The following SPPL3 variants were observed in gnomAD, a reference collection of about 807,000 sequenced individuals.
The protein encoded by SPPL3 is signal peptide peptidase-like 3.
SPPL3 carries 5 observed loss-of-function variants against 42.4 expected under a neutral mutation model. The ratio of observed to expected loss-of-function variants is 0.12; its 90% CI spans 0.06 to 0.25. The LOEUF (loss-of-function observed/expected upper bound fraction) is 0.25, where lower values mean the gene tolerates loss of function less well. Among genes scored for constraint, SPPL3 ranks in the 10% least tolerant of loss-of-function variants. The probability of loss-of-function intolerance (pLI) is 1.00; values close to 1 mark genes in which losing one functional copy is unlikely to be tolerated. For missense variants in SPPL3, 235 were observed against 489.0 expected (o/e 0.48, Z 4.90); for synonymous variants, 195 against 181.8 (o/e 1.07, Z -0.58).
At chr12:120,882,765 A>G (rs1484252064) in intron 1 of SPPL3, among the ~76,000 whole-genome samples, 3 of 152,144 alleles carry the variant, frequency 2.0e-5, no homozygotes, top group Admixed American at 2.0e-4. Flanking sequence ...ACAGTGGCTT[A>G]TATCTGTAAA....
At chr12:120,769,145 G>T in intron 6 of SPPL3, 86 bp from the exon 7 acceptor site, 1 of 1,073,372 alleles carries the variant, frequency 9.3e-7, no homozygotes, top group Non-Finnish European at 1.4e-6. Flanking sequence ...CCTTCACAGA[G>T]TTTGCAATTC....
chr12:120,771,541 A>T (rs538141320), intron 6 of SPPL3, among the ~76,000 whole-genome samples: 33 of 99,336 alleles, frequency 3.3e-4, no homozygotes, highest in African/African-American at 1.1e-3. Context: ...TCAACTTCTG[A>T]TATACATAAT....
intron 2 of SPPL3, among the ~76,000 whole-genome samples, chr12:120,800,650 A>AT (rs893727867): frequency 9.6e-4 from 145 of 151,382 alleles, no homozygotes; most frequent in Non-Finnish European, 1.2e-3. Context: ...ATTATATGCT[A>AT]TTTTTTTTTG....
At chr12:120,773,637 C>A (rs1314006969) in intron 6 of SPPL3, among the ~76,000 whole-genome samples, 1 of 152,170 alleles carries the variant, frequency 6.6e-6, no homozygotes, top group East Asian at 1.9e-4. Context: ...CTGACCTTTT[C>A]TTTTTGGAGA....
chr12:120,864,951 A>G (rs777998982), intron 1 of SPPL3, among the ~76,000 whole-genome samples: 1 of 152,232 alleles, frequency 6.6e-6, no homozygotes, highest in Non-Finnish European at 1.5e-5. Context: ...CTATGAGCAC[A>G]CTTTGGTGCC....
chr12:120,879,826 C>T (rs1420375420), intron 1 of SPPL3, among the ~76,000 whole-genome samples: 2 of 151,968 alleles, frequency 1.3e-5, no homozygotes, highest in Non-Finnish European at 2.9e-5. Context: ...TATATATATA[C>T]ACATGCAGTC....
intron 1 of SPPL3, among the ~76,000 whole-genome samples, chr12:120,813,130 C>CT (rs200313853): frequency 0.028 from 4,222 of 149,382 alleles, 69 homozygotes; most frequent in South Asian, 0.069. Context: ...AAAAGATTAT[C>CT]TTTTTTTTTT....
rs776157457 is a variant in SPPL3 at position 120,810,873 on chromosome 12, C to A, written c.37G>T (p.Val13Leu). 1 of 1,612,932 alleles carries A rather than the reference C, an allele frequency of 6.2e-7. No individual in the cohort carries two copies. The highest frequency in any genetic ancestry group is 8.5e-7 in the Non-Finnish European group (1 of 1,179,098). The change falls in exon 2 of 11, where the codon GTG becomes TTG. Residue 13 changes from valine to leucine, a missense_variant. By Grantham distance (32) the Val-to-Leu change is conservative. This residue lies in a region of SPPL3 where 110 missense variants were observed against 186.2 expected (regional missense o/e 0.59). Transcript: ENST00000353487. ...AATGTAGACACTTGACTGGAATCCA[C>A]CAGGGAATAGGCCCTAGAGAAATAA... is the stretch of plus-strand genomic sequence containing the variant. ...EQTYSWAYSL[V>L]DSSQVSTFLI...
intron 1 of SPPL3, among the ~76,000 whole-genome samples, chr12:120,844,396 C>A (rs757716162): frequency 1.3e-5 from 2 of 152,152 alleles, no homozygotes; most frequent in Non-Finnish European, 2.9e-5. Context: ...CACACACAAC[C>A]AATTCTTTAT....
At position 120,781,293 on chromosome 12, in the gene SPPL3, T is replaced by C. The variant is rs150869459; in HGVS notation, c.502+1362A>G. Among the ~76,000 whole-genome samples, 5 of 152,246 alleles carry C rather than the reference T, an allele frequency of 3.3e-5. No individual in the cohort carries two copies. In the East Asian group the frequency reaches 7.7e-4, roughly 23 times the overall value. On this transcript the variant is annotated intron_variant, in intron 6 of 10. Coordinates refer to ENST00000353487, the MANE Select transcript of SPPL3 (RefSeq NM_139015.5). ...CTGAAAGGCAATATAATAATAGGTA[T>C]AGATTTTTTTAATGCAAGAATTCTG...
At chr12:120,851,815 G>A (rs1407976946) in intron 1 of SPPL3, among the ~76,000 whole-genome samples, 3 of 152,060 alleles carry the variant, frequency 2.0e-5, no homozygotes, top group African/African-American at 4.8e-5. Context: ...CATTGCCTAG[G>A]CTGGACTTGA....
intron 1 of SPPL3, among the ~76,000 whole-genome samples, chr12:120,883,092 C>T (rs564806752): frequency 6.6e-6 from 1 of 152,046 alleles, no homozygotes; most frequent in East Asian, 1.9e-4. Context: ...ATCACGAGGT[C>T]AGGAGATCAA....
intron 1 of SPPL3, among the ~76,000 whole-genome samples, chr12:120,829,769 C>T (rs1313180172): frequency 1.3e-5 from 2 of 151,914 alleles, no homozygotes; most frequent in African/African-American, 2.4e-5. Context: ...CCGAGGTGGG[C>T]GGATCACCTG....
At chr12:120,827,793 A>AG (rs539478034) in intron 1 of SPPL3, among the ~76,000 whole-genome samples, 1 of 148,450 alleles carries the variant, frequency 6.7e-6, no homozygotes, top group Non-Finnish European at 1.5e-5. Context: ...GTCTCAAATA[A>AG]TTTTTTTTTT....
At chr12:120,830,606 A>AGAGAGAGAGAGAG (rs377406347) in intron 1 of SPPL3, among the ~76,000 whole-genome samples, 408 of 124,420 alleles carry the variant, frequency 3.3e-3, no homozygotes, top group East Asian at 8.5e-3. Context: ...AGAGAGAGAG[A>AGAGAGAGAGAGAG]AGGTGTACAT....
chr12:120,882,284 G>A (rs1030410123), intron 1 of SPPL3, among the ~76,000 whole-genome samples: 15 of 152,078 alleles, frequency 9.9e-5, no homozygotes, highest in African/African-American at 3.1e-4. Flanking sequence ...GTGGATAAGA[G>A]GGGACTACTG....
At chr12:120,780,898 G>C (rs570557312) in intron 6 of SPPL3, among the ~76,000 whole-genome samples, 1 of 151,978 alleles carries the variant, frequency 6.6e-6, no homozygotes, top group African/African-American at 2.4e-5. Flanking sequence ...CAACAAAAGC[G>C]AAACTCCCTC....
chr12:120,787,644 C>T (rs775199595), intron 3 of SPPL3, among the ~76,000 whole-genome samples: 1 of 152,066 alleles, frequency 6.6e-6, no homozygotes, highest in Non-Finnish European at 1.5e-5. Context: ...CCTTTGTGTC[C>T]CTCTCAATCA....
chr12:120,850,590 C>T (rs994485884), intron 1 of SPPL3, among the ~76,000 whole-genome samples: 7 of 151,232 alleles, frequency 4.6e-5, no homozygotes, highest in African/African-American at 9.7e-5. Context: ...TGACAGTGGA[C>T]GTTAGGGTTT....
Sources: allele counts gnomAD v4.1 joint callset (sites outside exome capture counted in the v4.1 genomes callset), GRCh38; gene constraint gnomAD v4.1.1; regional missense constraint gnomAD v4.1.1; transcripts MANE v1.5; gene names NCBI Gene and HGNC (gene_info 2026-07-23, HGNC 2026-07-21).